CYB5A: variants seen among roughly 807,000 people sequenced by gnomAD.
CYB5A encodes cytochrome b5.
In CYB5A, 10 loss-of-function variants were observed where a neutral mutation model predicts 16.2. The ratio of observed to expected loss-of-function variants is 0.62; its 90% CI spans 0.38 to 1.04. The LOEUF (loss-of-function observed/expected upper bound fraction) is 1.04, where lower values mean the gene tolerates loss of function less well. Among genes scored for constraint, CYB5A ranks in the 50% least tolerant of loss-of-function variants. The probability of loss-of-function intolerance (pLI) is 0.01; values close to 1 mark genes in which losing one functional copy is unlikely to be tolerated. For missense variants in CYB5A, 161 were observed against 165.9 expected (o/e 0.97, Z 0.16); for synonymous variants, 62 against 57.0 (o/e 1.09, Z -0.40).
At chr18:74,268,140 G>A (rs759921893) in intron 1 of CYB5A, among the ~76,000 whole-genome samples, 54 of 152,312 alleles carry the variant, frequency 3.5e-4, no homozygotes, top group African/African-American at 1.1e-3. Flanking sequence ...CTCCCGCCTC[G>A]GGGAGTTCAC....
At chr18:74,285,542 AC>A (rs1479748806) in intron 1 of CYB5A, among the ~76,000 whole-genome samples, 1 of 152,214 alleles carries the variant, frequency 6.6e-6, no homozygotes, top group East Asian at 1.9e-4. Context: ...AGAAATGCAC[AC>A]ACTGGTGTGC....
At position 74,253,449 on chromosome 18, in the gene CYB5A, C is replaced by G; in HGVS notation, c.*135G>C. 1.6e-6 allele frequency: 1 copy of G among 638,068 alleles called. No homozygotes were observed. The highest frequency in any genetic ancestry group is 2.9e-6 in the Non-Finnish European group (1 of 349,660). The allele number at this position is 638,068 out of a possible 1,614,324, so 39.5% of individuals were successfully genotyped here. ...GTTCTTTTTGTTTTGTTTCTAATGT[C>G]GGAAGAAAAAGAAAGAGATATATTA... On this transcript the variant is annotated 3_prime_UTR_variant, in exon 5 of 5. Coordinates refer to ENST00000340533, the MANE Select transcript of CYB5A (RefSeq NM_148923.4).
intron 4 of CYB5A, 139 bp from the exon 5 acceptor site, chr18:74,253,804 A>T: frequency 1.5e-6 from 1 of 669,232 alleles, no homozygotes; most frequent in African/African-American, 1.8e-5. Flanking sequence ...GGCAACGTGG[A>T]TTTGCTAAAA....
chr18:74,255,612 T>G, intron 4 of CYB5A, 129 bp downstream of exon 4: 2 of 796,786 alleles, frequency 2.5e-6, no homozygotes. Flanking sequence ...AGTCTGGCCT[T>G]CAGCAGAAGG....
intron 1 of CYB5A, among the ~76,000 whole-genome samples, chr18:74,282,521 T>C (rs1213790512): frequency 1.3e-5 from 2 of 152,164 alleles, no homozygotes; most frequent in African/African-American, 4.8e-5. Flanking sequence ...ATGGGCCAGG[T>C]GCACAGCAGG....
At position 74,253,358 on chromosome 18, in the gene CYB5A, G is replaced by A. The variant is rs1981835695; in HGVS notation, c.*226C>T. ...TTATAATAAGTAAATTACACATTAA[G>A]GAAACATCAAAATAAAGTAGATGAA... is the stretch of plus-strand genomic sequence containing the variant. On this transcript the variant is annotated 3_prime_UTR_variant, in exon 5 of 5. Coordinates refer to ENST00000340533, the MANE Select transcript of CYB5A (RefSeq NM_148923.4). 2 of 452,264 alleles carry A rather than the reference G, an allele frequency of 4.4e-6. No homozygotes were observed. Among genetic ancestry groups the A allele is most frequent in the East Asian group, 8.8e-5 (2 of 22,662 alleles). 28.0% of individuals were successfully genotyped at this position (452,264 alleles called of 1,614,324 possible).
chr18:74,258,016 AG>A (rs1057050274), intron 3 of CYB5A: 1 of 152,258 alleles, frequency 6.6e-6, no homozygotes, highest in Non-Finnish European at 1.5e-5. Context: ...AAGCATGCAA[AG>A]CCCAACAAGC....
intron 1 of CYB5A, among the ~76,000 whole-genome samples, chr18:74,279,069 G>C (rs556916853): frequency 6.6e-5 from 10 of 152,338 alleles, no homozygotes; most frequent in African/African-American, 2.4e-4. Flanking sequence ...AGTCCTGCCA[G>C]GCCCAGAGCT....
At position 74,263,393 on chromosome 18, in the gene CYB5A, C is replaced by T. The variant is rs1982292872; in HGVS notation, c.214G>A (p.Ala72Thr). ...NFEDVGHSTD[A>T]REMSKTFIIG... Reference sequence around the variant, plus strand: ...ATGAATGTTTTGGACATTTCCCTGGCATCTGTAGAGTGCCCGACATCCTCA... The same window carrying T: ...ATGAATGTTTTGGACATTTCCCTGGTATCTGTAGAGTGCCCGACATCCTCA... Residue 72 changes from alanine (A) to threonine (T), a missense_variant, in exon 2 of 5, where the codon GCC (alanine) becomes ACC (threonine). Transcript: ENST00000340533. The T allele has an allele frequency of 1.2e-6, 2 of 1,614,146 alleles. No homozygotes were observed. The highest frequency in any genetic ancestry group is 4.5e-5 in the East Asian group (2 of 44,880).
chr18:74,263,927 A>G (rs183954469), intron 1 of CYB5A, among the ~76,000 whole-genome samples: 48 of 151,972 alleles, frequency 3.2e-4, no homozygotes, highest in Admixed American at 5.9e-4. Context: ...AAAGTAAAAA[A>G]AAATTTAAAA....
intron 1 of CYB5A, among the ~76,000 whole-genome samples, chr18:74,278,445 G>A (rs1982967117): frequency 6.6e-6 from 1 of 152,146 alleles, no homozygotes. Context: ...TATTGCCACA[G>A]AGACTATGTA....
intron 3 of CYB5A, chr18:74,257,680 G>C (rs1310893474): frequency 6.6e-6 from 1 of 152,328 alleles, no homozygotes; most frequent in Admixed American, 6.5e-5. Flanking sequence ...ACTTTGGGAG[G>C]CCGAGATTGG....
At chr18:74,281,495 G>C (rs1265663655) in intron 1 of CYB5A, among the ~76,000 whole-genome samples, 3 of 152,196 alleles carry the variant, frequency 2.0e-5, no homozygotes, top group African/African-American at 4.8e-5. Context: ...AACCAGGAGA[G>C]GATGGCAACC....
intron 1 of CYB5A, among the ~76,000 whole-genome samples, chr18:74,284,232 CCAAAAA>C (rs1291047036): frequency 4.0e-4 from 40 of 100,214 alleles, no homozygotes; most frequent in African/African-American, 1.8e-3. Flanking sequence ...AACTCCATCT[CCAAAAA>C]AAAAAAAAAA....
At chr18:74,272,083 G>A (rs1982691260) in intron 1 of CYB5A, among the ~76,000 whole-genome samples, 1 of 152,186 alleles carries the variant, frequency 6.6e-6, no homozygotes, top group African/African-American at 2.4e-5. Flanking sequence ...CTTGCTTTGT[G>A]CTAATAACTC....
chr18:74,291,802 C>T lies in CYB5A; in HGVS notation c.74G>A (p.Ser25Asn). Residue 25 changes from serine (S) to asparagine (N), a missense_variant, in exon 1 of 5, where the codon AGC (serine) becomes AAC (asparagine). Physicochemically the swap from Ser to Asn is conservative, Grantham distance 46 (BLOSUM62 1). Transcript: ENST00000340533. ...CTTGTGGTGCAGGATCAGCCAGGTGCTCTTGCTGTGGTTGTGCTTCTGAAT... is the reference window on the plus strand; with the variant it reads ...CTTGTGGTGCAGGATCAGCCAGGTGTTCTTGCTGTGGTTGTGCTTCTGAAT... ...EEIQKHNHSK[S>N]TWLILHHKVY... The T allele has an allele frequency of 6.2e-7, 1 of 1,613,924 alleles. No homozygotes were observed. The highest frequency in any genetic ancestry group is 1.1e-5 in the South Asian group (1 of 91,082).
intron 1 of CYB5A, among the ~76,000 whole-genome samples, chr18:74,265,466 C>G (rs1982396726): frequency 6.6e-6 from 1 of 152,172 alleles, no homozygotes; most frequent in Non-Finnish European, 1.5e-5. Flanking sequence ...TGGGAAAACA[C>G]GCATGTAGTT....
At chr18:74,281,720 G>T (rs1208332240) in intron 1 of CYB5A, among the ~76,000 whole-genome samples, 3 of 145,468 alleles carry the variant, frequency 2.1e-5, no homozygotes, top group Non-Finnish European at 4.6e-5. Context: ...AAATCCTGGA[G>T]GGGGCAGAAG....
At chr18:74,273,264 C>T (rs1260396487) in intron 1 of CYB5A, among the ~76,000 whole-genome samples, 2 of 152,128 alleles carry the variant, frequency 1.3e-5, no homozygotes, top group African/African-American at 4.8e-5. Flanking sequence ...ACCCCTCTGC[C>T]CAACACCAGT....
Sources: allele counts gnomAD v4.1 joint callset (sites outside exome capture counted in the v4.1 genomes callset), GRCh38; gene constraint gnomAD v4.1.1; transcripts MANE v1.5; gene names NCBI Gene and HGNC (gene_info 2026-07-23, HGNC 2026-07-21).